BRSK1: variants seen among roughly 807,000 people sequenced by gnomAD.
The protein encoded by BRSK1 is serine/threonine-protein kinase BRSK1.
Under a neutral mutation model 86.2 loss-of-function variants are expected in BRSK1, and 17 were observed. The ratio of observed to expected loss-of-function variants is 0.20; its 90% CI spans 0.14 to 0.30. The LOEUF (loss-of-function observed/expected upper bound fraction) is 0.30, where lower values mean the gene tolerates loss of function less well. Among genes scored for constraint, BRSK1 ranks in the 10% least tolerant of loss-of-function variants. The pLI, the probability that BRSK1 is intolerant of heterozygous loss-of-function variation, is 1.00. For synonymous variants in BRSK1, 464 were observed against 440.1 expected (o/e 1.05, Z -0.68); for missense variants, 719 against 1,071.9 (o/e 0.67, Z 4.60).
At chr19:55,305,134 G>C (rs1413512373) in intron 14 of BRSK1, among the ~76,000 whole-genome samples, 187 bp from the exon 15 acceptor site, 2 of 152,174 alleles carry the variant, frequency 1.3e-5, no homozygotes, top group Admixed American at 1.3e-4. Flanking sequence ...TGAAGGGCAC[G>C]CGCCTTTGGG....
chr19:55,284,487 C>CCCCCGG lies in BRSK1; in HGVS notation c.46_47insCCCGGC (p.Tyr15_His16insProArg). On this transcript the variant is annotated inframe_insertion, in exon 1 of 19. Coordinates refer to ENST00000309383, the MANE Select transcript of BRSK1 (RefSeq NM_032430.2). The stretch of plus-strand genomic sequence containing the variant: ...AGGGAGGTGGGGGCTCTCCCGCCTA[C>CCCCCGG]CACCTCCCCCACCCCCACCCCCACC... The CCCCCGG allele has an allele frequency of 8.3e-7, 1 of 1,198,274 alleles. No individual in the cohort carries two copies. The highest frequency in any genetic ancestry group is 1.1e-6 in the Non-Finnish European group (1 of 901,354). 74.2% of individuals were successfully genotyped at this position (1,198,274 alleles called of 1,614,324 possible). A position where few individuals can be genotyped will look rare whatever the true frequency, so the allele number is the denominator to read the frequency against.
Position 55,303,056 on chromosome 19 carries a change from G to T in BRSK1, c.1028+189G>T. The T allele has an allele frequency of 4.3e-6, 3 of 700,418 alleles. No homozygotes were observed. The highest frequency in any genetic ancestry group is 7.0e-6 in the Non-Finnish European group (3 of 428,420). The allele number at this position is 700,418 out of a possible 1,614,324, so 43.4% of individuals were successfully genotyped here. ...ACACGCTGAGAAAGTATTAATAGATGCTGCGACATAGTACTTACATATACA... is the reference window on the plus strand; with the variant it reads ...ACACGCTGAGAAAGTATTAATAGATTCTGCGACATAGTACTTACATATACA... On this transcript the variant is annotated intron_variant, in intron 10 of 18. Coordinates refer to ENST00000309383, the MANE Select transcript of BRSK1 (RefSeq NM_032430.2). The surrounding 1 kb of genome is among the most constrained non-coding windows in gnomAD (Gnocchi z 5.1).
Position 55,287,954 on chromosome 19 carries a change from C to T in BRSK1, c.317+655C>T, listed in dbSNP as rs555091180. 2.6e-5 allele frequency: 4 copies of T among 155,914 alleles called. No homozygotes were observed. The highest frequency in any genetic ancestry group is 4.3e-5 in the Non-Finnish European group (3 of 70,090). The allele number at this position is 155,914 out of a possible 1,614,324, so 9.7% of individuals were successfully genotyped here. ...TGTTCCCCCCCGGCACCCAGTCCCC[C>T]GGATGAACTGACATCAGGTCCGTCG... On this transcript the variant is annotated intron_variant, in intron 3 of 18. Transcript: ENST00000309383. The surrounding 1 kb of genome is among the most constrained non-coding windows in gnomAD (Gnocchi z 5.3).
In BRSK1 at chr19:55,284,487, C is replaced by A; in HGVS notation, c.45C>A (p.Tyr15Ter). Residue 15 changes from tyrosine to a stop codon, truncating the protein, a stop_gained, in exon 1 of 19, where the codon TAC (tyrosine) becomes TAA (stop). Transcript: ENST00000309383. LOFTEE classifies it high-confidence loss of function. ...AKEGGGGSPA[Y>*]HLPHPHPHPP... ...AGGGAGGTGGGGGCTCTCCCGCCTA[C>A]CACCTCCCCCACCCCCACCCCCACC... 8.3e-7 allele frequency: 1 copy of A among 1,198,270 alleles called. No individual in the cohort carries two copies. The highest frequency in any genetic ancestry group is 1.1e-6 in the Non-Finnish European group (1 of 901,350). 74.2% of individuals were successfully genotyped at this position (1,198,270 alleles called of 1,614,324 possible). A position where few individuals can be genotyped will look rare whatever the true frequency, so the allele number is the denominator to read the frequency against.
rs561473296 is a variant in BRSK1, at chr19:55,304,268, A to G, written c.1347+158A>G. On this transcript the variant is annotated intron_variant, in intron 13 of 18. Transcript: ENST00000309383. The surrounding 1 kb of genome is among the most constrained non-coding windows in gnomAD (Gnocchi z 5.2). ...CAAGGCCTCCAAAGTATTTTGGTCC[A>G]TTGGCCATTTCTACCTCCTTAGGAT... 6.6e-6 allele frequency among the ~76,000 whole-genome samples: 1 copy of G among 152,296 alleles called. No homozygotes were observed. The highest frequency in any genetic ancestry group is 1.9e-4 in the East Asian group (1 of 5,176).
intron 18 of BRSK1, 23 bp from the exon 19 acceptor site, chr19:55,311,888 A>T (rs2088806475): frequency 6.2e-7 from 1 of 1,609,820 alleles, no homozygotes; most frequent in Non-Finnish European, 8.5e-7. Flanking sequence ...GGAACCCACG[A>T]AAAACCTCTT....
In BRSK1 at chr19:55,304,530, T is replaced by C; in HGVS notation, c.1348-21T>C. ...GGGAGTTGTAGTCCACTCGCTTATC[T>C]CAGTCTCCTGTCCTCTGCAGAGTCC... On this transcript the variant is annotated intron_variant, in intron 13 of 18. Coordinates refer to ENST00000309383, the MANE Select transcript of BRSK1 (RefSeq NM_032430.2). This position sits in a 1 kb window ranked among gnomAD's most constrained non-coding sequence, Gnocchi z 5.2. 1 of 1,539,224 alleles carries C rather than the reference T, an allele frequency of 6.5e-7. No homozygotes were observed. The highest frequency in any genetic ancestry group is 1.3e-5 in the South Asian group (1 of 79,360).
In BRSK1 at chr19:55,304,811, A is replaced by G. The variant is rs763250060; in HGVS notation, c.1608A>G (p.Pro536=). 2.5e-6 allele frequency: 4 copies of G among 1,570,594 alleles called. No individual in the cohort carries two copies. The highest frequency in any genetic ancestry group is 2.6e-6 in the Non-Finnish European group (3 of 1,163,270). The change falls in exon 14 of 19, where the codon CCA becomes CCG. Residue 536 remains proline (P), a synonymous_variant. Transcript: ENST00000309383. The surrounding 1 kb of genome is among the most constrained non-coding windows in gnomAD (Gnocchi z 5.2). ...CCACCGGGACCCCGGGGACAACACCACCCCCCAGCCCCGGCGGTGGCGTCG... is the reference window on the plus strand; with the variant it reads ...CCACCGGGACCCCGGGGACAACACCGCCCCCCAGCCCCGGCGGTGGCGTCG... ...ASPTGTPGTT[P]PPSPGGGVGG... is the part of the protein sequence containing the mutation.
intron 7 of BRSK1, among the ~76,000 whole-genome samples, chr19:55,299,823 A>G (rs1024790128): frequency 6.6e-6 from 1 of 152,074 alleles, no homozygotes; most frequent in African/African-American, 2.4e-5. Context: ...GCACCCTAAG[A>G]TCGGCATTCA....
intron 1 of BRSK1, 93 bp from the exon 2 acceptor site, chr19:55,286,914 G>A: frequency 8.7e-7 from 1 of 1,145,998 alleles, no homozygotes; most frequent in South Asian, 1.3e-5. Flanking sequence ...AGCCCAGGAG[G>A]AAGGAGCAAA....
Position 55,304,034 on chromosome 19 carries a change from T to A in BRSK1, c.1287-16T>A. 6.3e-7 allele frequency: 1 copy of A among 1,594,332 alleles called. No individual in the cohort carries two copies. The highest frequency in any genetic ancestry group is 8.5e-7 in the Non-Finnish European group (1 of 1,172,988). The stretch of plus-strand genomic sequence containing the variant: ...TCCCATCTGATTTTTTTTTTTTAAA[T>A]CTATCCTGGAAACAGATCCCGTAGC... On this transcript the variant is annotated splice_polypyrimidine_tract_variant and intron_variant, in intron 12 of 18. Coordinates refer to ENST00000309383, the MANE Select transcript of BRSK1 (RefSeq NM_032430.2). This position sits in a 1 kb window ranked among gnomAD's most constrained non-coding sequence, Gnocchi z 5.2.
In BRSK1 at chr19:55,291,420, C is replaced by T. The variant is rs138132155; in HGVS notation, c.458+1800C>T. ...TTAGCTGGATGTGGTGGCGTGTGCC[C>T]GTGGTCCCAGCTACTTGGGAAGCTG... On this transcript the variant is annotated intron_variant, in intron 4 of 18. Transcript: ENST00000309383. Among the ~76,000 whole-genome samples, 847 of 152,132 alleles carry T rather than the reference C, an allele frequency of 5.6e-3. 36 individuals carry two copies. The highest frequency in any genetic ancestry group is 0.048 in the Admixed American group (732 of 15,272).
intron 4 of BRSK1, among the ~76,000 whole-genome samples, chr19:55,290,550 T>C (rs891103110): frequency 3.9e-5 from 6 of 152,228 alleles, no homozygotes; most frequent in African/African-American, 1.4e-4. Context: ...GCCATGTTTT[T>C]ACATTTTTAT....
In BRSK1 at chr19:55,312,070, C is replaced by T. The variant is rs753802413; in HGVS notation, c.*2C>T. On this transcript the variant is annotated 3_prime_UTR_variant, in exon 19 of 19. Transcript: ENST00000309383. Reference sequence around the variant, plus strand: ...ACCAACGGGACCCCTCTGCCCTGACCCCACGGGGCCGGGGAGGGAGGGGAC... The same window carrying T: ...ACCAACGGGACCCCTCTGCCCTGACTCCACGGGGCCGGGGAGGGAGGGGAC... The T allele has an allele frequency of 2.2e-5, 31 of 1,419,730 alleles. 1 individual carries two copies. In the South Asian group the frequency reaches 3.9e-4, roughly 18 times the overall value. 87.9% of individuals were successfully genotyped at this position (1,419,730 alleles called of 1,614,324 possible).
chr19:55,295,505 G>A (rs2088473602), intron 7 of BRSK1, among the ~76,000 whole-genome samples: 1 of 152,138 alleles, frequency 6.6e-6, no homozygotes, highest in African/African-American at 2.4e-5. Context: ...CCCACTCTGT[G>A]GGGAGCTAAC....
rs1226652042 is a variant in BRSK1, at chr19:55,284,117, C to A, written c.-326C>A. 4 of 1,197,046 alleles carry A rather than the reference C, an allele frequency of 3.3e-6. No individual in the cohort carries two copies. The highest frequency in any genetic ancestry group is 4.2e-6 in the Non-Finnish European group (4 of 957,602). 74.2% of individuals were successfully genotyped at this position (1,197,046 alleles called of 1,614,324 possible). On this transcript the variant is annotated 5_prime_UTR_variant, in exon 1 of 19. Coordinates refer to ENST00000309383, the MANE Select transcript of BRSK1 (RefSeq NM_032430.2). Reference sequence around the variant, plus strand: ...GGGGGGGACCTCGGCCTGCAGCATCCGCCGGCCCGCACCTCAGACCCCCCC... The same window carrying A: ...GGGGGGGACCTCGGCCTGCAGCATCAGCCGGCCCGCACCTCAGACCCCCCC...
In BRSK1 at chr19:55,306,539, A is replaced by G. The variant is rs1268099887; in HGVS notation, c.2089+89A>G. 2.0e-6 allele frequency: 3 copies of G among 1,481,046 alleles called. No individual in the cohort carries two copies. Among genetic ancestry groups the G allele is most frequent in the Non-Finnish European group, 2.8e-6 (3 of 1,081,516 alleles). The allele number at this position is 1,481,046 out of a possible 1,614,324, so 91.7% of individuals were successfully genotyped here. On this transcript the variant is annotated intron_variant, in intron 17 of 18. Coordinates refer to ENST00000309383, the MANE Select transcript of BRSK1 (RefSeq NM_032430.2). This position sits in a 1 kb window ranked among gnomAD's most constrained non-coding sequence, Gnocchi z 4.7. The stretch of plus-strand genomic sequence containing the variant: ...TGTAGGGGCCCAGGAGTGCAGCAGC[A>G]GGAGGAGGAAATGGTGTTCAGCTGG...
Position 55,284,129 on chromosome 19 carries a change from C to G in BRSK1, c.-314C>G, listed in dbSNP as rs1387840519. Reference sequence around the variant, plus strand: ...GGCCTGCAGCATCCGCCGGCCCGCACCTCAGACCCCCCCGGCGGGGGGAGG... The same window carrying G: ...GGCCTGCAGCATCCGCCGGCCCGCAGCTCAGACCCCCCCGGCGGGGGGAGG... On this transcript the variant is annotated 5_prime_UTR_variant, in exon 1 of 19. Transcript: ENST00000309383. 1 of 1,184,602 alleles carries G rather than the reference C, an allele frequency of 8.4e-7. No homozygotes were observed. The highest frequency in any genetic ancestry group is 1.6e-5 in the African/African-American group (1 of 63,168). The allele number at this position is 1,184,602 out of a possible 1,614,324, so 73.4% of individuals were successfully genotyped here. A position where few individuals can be genotyped will look rare whatever the true frequency, so the allele number is the denominator to read the frequency against.
Position 55,288,579 on chromosome 19 carries a change from G to GT in BRSK1, c.318-894dup, listed in dbSNP as rs551505730. Among the ~76,000 whole-genome samples, 4 of 151,856 alleles carry GT rather than the reference G, an allele frequency of 2.6e-5. No individual in the cohort carries two copies. The East Asian group carries it at 7.8e-4, about 29-fold the overall frequency. On this transcript the variant is annotated intron_variant, in intron 3 of 18. Transcript: ENST00000309383. ...AGGCTTATGGGAAGGGAGTTTGGGG[G>GT]TTTTTTTGTTGTTTTGTTTTTTTGA...
Sources: gnomAD v4.1 joint callset for allele counts (sites outside exome capture counted in the v4.1 genomes callset) on GRCh38, gnomAD v4.1.1 for gene constraint, Gnocchi (gnomAD v3.1) non-coding constraint, MANE v1.5 for transcripts, NCBI Gene and HGNC (gene_info 2026-07-23, HGNC 2026-07-21) for gene names.